The following GANC variants were observed in gnomAD, a reference collection of about 807,000 sequenced individuals.
GANC encodes neutral alpha-glucosidase C.
Under a neutral mutation model 124.2 loss-of-function variants are expected in GANC, and 117 were observed. The ratio of observed to expected loss-of-function variants is 0.94; its 90% CI spans 0.81 to 1.10. GANC has a LOEUF of 1.10. Ranked by LOEUF, GANC falls within the 50% of genes least tolerant of loss-of-function variation. GANC has a pLI of 0.00. For synonymous variants in GANC, 377 were observed against 376.8 expected (o/e 1.00, Z -0.01); for missense variants, 1,140 against 1,095.0 (o/e 1.04, Z -0.58).
intron 17 of GANC, among the ~76,000 whole-genome samples, chr15:42,340,209 T>G (rs2052319050): frequency 6.6e-6 from 1 of 152,212 alleles, no homozygotes. Context: ...TCATTCAGTA[T>G]TTAACCTATC....
At chr15:42,315,958 A>C (rs1205992513) in intron 10 of GANC, among the ~76,000 whole-genome samples, 1 of 152,178 alleles carries the variant, frequency 6.6e-6, no homozygotes, top group East Asian at 1.9e-4. Flanking sequence ...GTTACTTTAA[A>C]TAAATAAGTA....
rs1270641770 is a variant in GANC at position 42,340,682 on chromosome 15, T to C, written c.2088-8T>C. On this transcript the variant is annotated splice_region_variant and splice_polypyrimidine_tract_variant and intron_variant, in intron 17 of 23. Transcript: ENST00000318010. ...ATGTTAAAACAATAATTTTTTTTCT[T>C]TCCCCAGGCCTCTGTGGGTAGAGTT... 2.5e-6 allele frequency: 4 copies of C among 1,589,570 alleles called. No individual in the cohort carries two copies. In the South Asian group the frequency reaches 4.6e-5, roughly 18 times the overall value.
In GANC at chr15:42,294,063, C is replaced by T. The variant is rs1397033660; in HGVS notation, c.512+1146C>T. On this transcript the variant is annotated intron_variant, in intron 5 of 23. Coordinates refer to ENST00000318010, the MANE Select transcript of GANC (RefSeq NM_198141.3). ...GAGATTCTGTCTCAAAACAAACAAA[C>T]AAAAAACGCTTTTTTTTCTTTTGTA... Among the ~76,000 whole-genome samples, 3 of 150,816 alleles carry T rather than the reference C, an allele frequency of 2.0e-5. No homozygotes were observed. The East Asian group carries it at 5.9e-4, about 29-fold the overall frequency.
At chr15:42,296,092 C>T (rs7171709) in intron 5 of GANC, among the ~76,000 whole-genome samples, 136,716 of 149,938 alleles carry the variant, frequency 0.91, 63,594 homozygotes, top group Non-Finnish European at 1. Flanking sequence ...TTCAGTGAGC[C>T]GAGATCATAC....
At position 42,350,799 on chromosome 15, in the gene GANC, G is replaced by A. The variant is rs536447000; in HGVS notation, c.2532-530G>A. On this transcript the variant is annotated intron_variant, in intron 22 of 23. Transcript: ENST00000318010. ...TCGAACTCCTGACCTCAAGTGATCC[G>A]CCCACGTTGGCCTCCCAAAGTGCTG... Among the ~76,000 whole-genome samples, 49 of 151,574 alleles carry A rather than the reference G, an allele frequency of 3.2e-4. No homozygotes were observed. The South Asian group carries it at 9.8e-3, about 30-fold the overall frequency.
chr15:42,343,546 T>C (rs112836515), intron 19 of GANC: 1 of 177,636 alleles, frequency 5.6e-6, no homozygotes, highest in African/African-American at 2.4e-5. Flanking sequence ...GCCTGAGTTT[T>C]TGGTACCAAA....
At chr15:42,315,255 TG>T (rs2052091488) in intron 10 of GANC, among the ~76,000 whole-genome samples, 2 of 72,288 alleles carry the variant, frequency 2.8e-5, no homozygotes, top group Non-Finnish European at 1.0e-4. Flanking sequence ...AGACTAGAAA[TG>T]GAAAATAAAT....
Position 42,310,265 on chromosome 15 carries a change from A to T in GANC, c.723-18A>T, listed in dbSNP as rs367848322. The stretch of plus-strand genomic sequence containing the variant: ...AATATATTTGTGATGGTAATTGATG[A>T]TAATCTTTGTGTTTCAGTGATGGAG... On this transcript the variant is annotated intron_variant, in intron 8 of 23. Coordinates refer to ENST00000318010, the MANE Select transcript of GANC (RefSeq NM_198141.3). 28 of 1,551,526 alleles carry T rather than the reference A, an allele frequency of 1.8e-5. No individual in the cohort carries two copies. In the African/African-American group the frequency reaches 2.1e-4, roughly 11 times the overall value.
chr15:42,301,028 A>AG (rs1419272012), intron 6 of GANC, among the ~76,000 whole-genome samples: 2,563 of 151,002 alleles, frequency 0.017, 39 homozygotes, highest in Non-Finnish European at 0.021. Flanking sequence ...CAAAAAAAAA[A>AG]AAAGAAAGAA....
At chr15:42,334,776 A>C (rs1414890954) in intron 15 of GANC, among the ~76,000 whole-genome samples, 1 of 152,062 alleles carries the variant, frequency 6.6e-6, no homozygotes, top group East Asian at 1.9e-4. Flanking sequence ...TAATAATAAC[A>C]AAATAGATAG....
At chr15:42,342,504 C>T (rs1183239357) in intron 18 of GANC, among the ~76,000 whole-genome samples, 3 of 152,154 alleles carry the variant, frequency 2.0e-5, no homozygotes, top group East Asian at 3.9e-4. Flanking sequence ...ATTACATGAG[C>T]CCAGGAGTTA....
intron 7 of GANC, among the ~76,000 whole-genome samples, chr15:42,308,021 T>C (rs1227041738): frequency 1.3e-5 from 2 of 152,224 alleles, no homozygotes; most frequent in East Asian, 3.8e-4. Context: ...ACCAGAACTT[T>C]GCCTTACACA....
Position 42,308,223 on chromosome 15 carries a change from C to A in GANC, c.627C>A (p.Gly209=). ...AACTCAGTATCCTGGTCTCTACAGG[C>A]CCTTCTTCTATTGGTTTGGATTTCT... The part of the protein sequence containing the change: ...FGKFVDIKAN[G]PSSIGLDFSL... Residue 209 remains glycine, a splice_region_variant and synonymous_variant, in exon 8 of 24, where the codon GGC becomes GGA. Coordinates refer to ENST00000318010, the MANE Select transcript of GANC (RefSeq NM_198141.3). The A allele has an allele frequency of 1.3e-6, 2 of 1,598,988 alleles. No individual in the cohort carries two copies. The highest frequency in any genetic ancestry group is 2.7e-5 in the African/African-American group (2 of 74,812).
At chr15:42,348,397 C>A (rs937156118) in intron 21 of GANC, among the ~76,000 whole-genome samples, 181 bp downstream of exon 21, 1 of 152,138 alleles carries the variant, frequency 6.6e-6, no homozygotes, top group African/African-American at 2.4e-5. Flanking sequence ...CTTAAGGGAA[C>A]CTTTGAGATC....
At chr15:42,312,185 T>G (rs1164414338) in intron 10 of GANC, among the ~76,000 whole-genome samples, 2 of 152,170 alleles carry the variant, frequency 1.3e-5, no homozygotes, top group African/African-American at 4.8e-5. Flanking sequence ...TTCCATAGAA[T>G]TGCACAGGGA....
chr15:42,314,363 T>C, intron 10 of GANC: 1 of 516,874 alleles, frequency 1.9e-6, no homozygotes, highest in Non-Finnish European at 3.5e-6. Flanking sequence ...TTGGAAGGCA[T>C]CTGACAACTT....
intron 14 of GANC, 28 bp downstream of exon 14, chr15:42,329,477 G>C: frequency 6.3e-7 from 1 of 1,586,452 alleles, no homozygotes; most frequent in Non-Finnish European, 8.6e-7. Flanking sequence ...AATTAAACTG[G>C]GCTTGTGTGA....
At position 42,338,392 on chromosome 15, in the gene GANC, C is replaced by T; in HGVS notation, c.1745C>T (p.Ala582Val). ...ACATTGTTGCTGGTGACCAAAGGTG[C>T]CGTGTGGACAGGCGACAACACAGCA... ...SFFAGSQKYGAVWTGDNTAEW... is the reference protein window; with the variant it reads ...SFFAGSQKYGVVWTGDNTAEW... The change falls in exon 16 of 24, where the codon GCC becomes GTC. Residue 582 changes from alanine (A) to valine (V), a missense_variant. Coordinates refer to ENST00000318010, the MANE Select transcript of GANC (RefSeq NM_198141.3). 2 of 1,611,748 alleles carry T rather than the reference C, an allele frequency of 1.2e-6. No homozygotes were observed. The highest frequency in any genetic ancestry group is 1.7e-6 in the Non-Finnish European group (2 of 1,178,408).
At chr15:42,312,956 A>G (rs993485148) in intron 10 of GANC, among the ~76,000 whole-genome samples, 1 of 149,816 alleles carries the variant, frequency 6.7e-6, no homozygotes, top group African/African-American at 2.5e-5. Context: ...AAAAAAAAAA[A>G]AGAACATGCT....
Sources: allele counts gnomAD v4.1 joint callset (sites outside exome capture counted in the v4.1 genomes callset), GRCh38; gene constraint gnomAD v4.1.1; transcripts MANE v1.5; gene names NCBI Gene and HGNC (gene_info 2026-07-23, HGNC 2026-07-21).